Variants in METTL15 observed in about 807,000 individuals in gnomAD.
The protein encoded by METTL15 is methyltransferase 15, mitochondrial 12S rRNA N4-cytidine.
In METTL15, 34 loss-of-function variants were observed where a neutral mutation model predicts 38.3. The observed-to-expected ratio is 0.89, with a 90% CI of 0.68 to 1.18. The LOEUF is 1.18. Ranked by LOEUF, METTL15 falls within the 50% of genes most tolerant of loss-of-function variation. The pLI, the probability that METTL15 is intolerant of heterozygous loss-of-function variation, is 0.00. For missense variants in METTL15, 438 were observed against 498.4 expected, an observed-to-expected ratio of 0.88 and a Z score of 1.15; for synonymous variants, 162 against 170.9, an observed-to-expected ratio of 0.95 and a Z score of 0.41.
chr11:28,371,459 A>G (rs916201407), intron 5 of METTL15, among the ~76,000 whole-genome samples: 1 of 152,002 alleles, frequency 6.6e-6, no homozygotes, highest in Non-Finnish European at 1.5e-5. Context: ...GTAAAGTAAC[A>G]TGATGGCTCC....
intron 4 of METTL15, among the ~76,000 whole-genome samples, chr11:28,244,932 T>C (rs1854448751): frequency 6.6e-6 from 1 of 152,208 alleles, no homozygotes; most frequent in Admixed American, 6.5e-5. Context: ...ATATCTTCTA[T>C]TGGCTGACCT....
At chr11:28,194,122 A>ATCTTTCTTTCTTTTTCTTTCTT (rs1851801877) in intron 3 of METTL15, among the ~76,000 whole-genome samples, 1 of 99,078 alleles carries the variant, frequency 1.0e-5, no homozygotes, top group Non-Finnish European at 2.0e-5. Context: ...TTGATGGTTG[A>ATCTTTCTTTCTTTTTCTTTCTT]TCTTTCTTTC....
At chr11:28,178,118 C>T (rs72876458) in intron 3 of METTL15, among the ~76,000 whole-genome samples, 11,537 of 151,816 alleles carry the variant, frequency 0.076, 623 homozygotes, top group Non-Finnish European at 0.11. Flanking sequence ...TTATCATTTG[C>T]CTGCCCAGAC....
intron 6 of METTL15, among the ~76,000 whole-genome samples, chr11:28,430,602 G>A (rs1850913462): frequency 2.3e-5 from 1 of 43,834 alleles, no homozygotes; most frequent in Non-Finnish European, 5.0e-5. Flanking sequence ...GGAGGTGGGG[G>A]GGTCAGCCCT....
intron 3 of METTL15, 109 bp from the exon 4 acceptor site, chr11:28,210,953 A>G (rs572602161): frequency 1.8e-5 from 21 of 1,155,724 alleles, no homozygotes; most frequent in Non-Finnish European, 2.0e-5. Context: ...TTATTTTCCT[A>G]TTTACTGTCA....
At chr11:28,250,161 T>A (rs1276250467) in intron 4 of METTL15, among the ~76,000 whole-genome samples, 1 of 152,220 alleles carries the variant, frequency 6.6e-6, no homozygotes, top group East Asian at 1.9e-4. Context: ...TCTTTGCTAT[T>A]GTGAATAGTG....
intron 2 of METTL15, among the ~76,000 whole-genome samples, chr11:28,111,344 C>T (rs1306366376): frequency 1.3e-5 from 2 of 152,070 alleles, no homozygotes; most frequent in Non-Finnish European, 2.9e-5. Context: ...TACTACTTTT[C>T]TTTTTAGTTA....
At chr11:28,194,122 A>ATCTTTCTTTCTTTCTTTCCTTCTT (rs1851802498) in intron 3 of METTL15, among the ~76,000 whole-genome samples, 1 of 99,078 alleles carries the variant, frequency 1.0e-5, no homozygotes, top group African/African-American at 4.0e-5. Flanking sequence ...TTGATGGTTG[A>ATCTTTCTTTCTTTCTTTCCTTCTT]TCTTTCTTTC....
At chr11:28,139,013 C>A (rs1014317649) in intron 3 of METTL15, among the ~76,000 whole-genome samples, 2 of 152,152 alleles carry the variant, frequency 1.3e-5, no homozygotes, top group Non-Finnish European at 2.9e-5. Flanking sequence ...GTAATTTTAT[C>A]ATTTATTCAA....
At chr11:28,494,682 G>A (rs1851522157) in intron 6 of METTL15, among the ~76,000 whole-genome samples, 2 of 152,260 alleles carry the variant, frequency 1.3e-5, no homozygotes, top group South Asian at 4.2e-4. Flanking sequence ...ACGGGGGTGG[G>A]TCTTTCCTGT....
intron 6 of METTL15, among the ~76,000 whole-genome samples, chr11:28,436,270 C>T (rs906496942): frequency 5.9e-5 from 9 of 152,222 alleles, no homozygotes; most frequent in African/African-American, 2.2e-4. Context: ...AAGCCAATGT[C>T]ACATCTTTTA....
At chr11:28,262,151 T>A (rs2133941820) in intron 4 of METTL15, among the ~76,000 whole-genome samples, 1 of 152,222 alleles carries the variant, frequency 6.6e-6, no homozygotes, top group African/African-American at 2.4e-5. Flanking sequence ...TTGTAAAAAA[T>A]AAGTCTTGAC....
chr11:28,289,295 C>T (rs1339453078), intron 4 of METTL15, among the ~76,000 whole-genome samples: 1 of 152,164 alleles, frequency 6.6e-6, no homozygotes, highest in Non-Finnish European at 1.5e-5. Flanking sequence ...TATTCATTTA[C>T]TTTCTCCATT....
Position 28,222,149 on chromosome 11 carries a change from A to T in METTL15, c.407+10951A>T, listed in dbSNP as rs552169448. 2.6e-5 allele frequency among the ~76,000 whole-genome samples: 4 copies of T among 152,296 alleles called. No homozygotes were observed. The East Asian group carries it at 7.7e-4, about 29-fold the overall frequency. On this transcript the variant is annotated intron_variant, in intron 4 of 6. Transcript: ENST00000407364. ...TTGTTTAGCTATGCCCTGCCTCCAG[A>T]GGTGGAGCCTACAGAGGCAGGCAGG...
At chr11:28,160,192 G>A (rs1433267991) in intron 3 of METTL15, among the ~76,000 whole-genome samples, 4 of 151,836 alleles carry the variant, frequency 2.6e-5, no homozygotes, top group Admixed American at 2.0e-4. Context: ...CACTCGAACT[G>A]AGTTCCATGC....
rs1347672747 is a variant in METTL15, at chr11:28,472,674, TAAACTC to T, written c.*424+48313_*424+48318del. On this transcript the variant is annotated intron_variant and NMD_transcript_variant, in intron 6 of 7. Coordinates refer to the METTL15 transcript ENST00000532947. ...ACCTCTGGAAGACTAGCTGGGGAAA[TAAACTC>T]AAGGAGAGATTGGATGTCACTTTCA... is the stretch of plus-strand genomic sequence containing the variant. Among the ~76,000 whole-genome samples, 3 of 152,052 alleles carry T rather than the reference TAAACTC, an allele frequency of 2.0e-5. No individual in the cohort carries two copies. The East Asian group carries it at 5.8e-4, about 29-fold the overall frequency.
At chr11:28,168,652 T>G (rs1186584524) in intron 3 of METTL15, among the ~76,000 whole-genome samples, 2 of 147,394 alleles carry the variant, frequency 1.4e-5, no homozygotes, top group African/African-American at 5.1e-5. Context: ...TGATGCTTTT[T>G]GTTAAGGAGA....
chr11:28,448,157 T>A (rs187116580), intron 6 of METTL15, among the ~76,000 whole-genome samples: 1 of 152,180 alleles, frequency 6.6e-6, no homozygotes, highest in Admixed American at 6.5e-5. Flanking sequence ...TCTCTTCTTA[T>A]CTCTGGCTGG....
chr11:28,408,960 A>C (rs1186306836), intron 5 of METTL15, among the ~76,000 whole-genome samples: 1 of 152,204 alleles, frequency 6.6e-6, no homozygotes, highest in Non-Finnish European at 1.5e-5. Context: ...ACTTTAGGCC[A>C]AATGGGCCTA....
Sources: gnomAD v4.1 joint callset for allele counts (sites outside exome capture counted in the v4.1 genomes callset) on GRCh38, gnomAD v4.1.1 for gene constraint, MANE v1.5 for transcripts, NCBI Gene and HGNC (gene_info 2026-07-23, HGNC 2026-07-21) for gene names.